The following ZNF469 variants were observed in gnomAD, a reference collection of about 807,000 sequenced individuals.
ZNF469 encodes zinc finger protein 469.
Under a neutral mutation model 1.0 loss-of-function variants are expected in ZNF469, and 1 was observed. That is an observed-to-expected ratio of 1.00 (90% CI 0.35 to 4.73). ZNF469 has a LOEUF of 4.73. Ranked by LOEUF, ZNF469 falls within the 30% of genes most tolerant of loss-of-function variation. ZNF469 has a pLI of 0.16. For synonymous variants in ZNF469, 2,703 were observed against 2,363.4 expected, an observed-to-expected ratio of 1.14 and a Z score of -4.17; for missense variants, 6,100 against 5,356.3, an observed-to-expected ratio of 1.14 and a Z score of -4.33.
the ZNF469 span, among the ~76,000 whole-genome samples, chr16:88,282,471 C>T: frequency 1.3e-5 from 2 of 152,078 alleles, no homozygotes; most frequent in African/African-American, 2.4e-5. Flanking sequence ...TTGCCCTGGG[C>T]CCTGGCCTTT....
chr16:88,414,207 C>G (rs1444516231), intron 1 of ZNF469, among the ~76,000 whole-genome samples: 2 of 152,240 alleles, frequency 1.3e-5, no homozygotes. Context: ...CCCAAAGCCC[C>G]CACCTGGATT....
At chr16:88,215,577 A>G in the ZNF469 span, among the ~76,000 whole-genome samples, 1 of 151,464 alleles carries the variant, frequency 6.6e-6, no homozygotes, top group Non-Finnish European at 1.5e-5. Context: ...TTTAGTAGAG[A>G]CAGTGTTTCA....
chr16:88,387,046 C>T (rs975882302), intron 1 of ZNF469, among the ~76,000 whole-genome samples: 2 of 152,184 alleles, frequency 1.3e-5, no homozygotes, highest in East Asian at 1.9e-4. Flanking sequence ...GTTCACTGCA[C>T]GTCGGCACCC....
the ZNF469 span, among the ~76,000 whole-genome samples, chr16:88,157,782 G>A: frequency 6.6e-6 from 1 of 152,052 alleles, no homozygotes; most frequent in African/African-American, 2.4e-5. Flanking sequence ...CCAGGTGGGG[G>A]CTCCCTGTGT....
chr16:88,118,739 G>T, the ZNF469 span, among the ~76,000 whole-genome samples: 1 of 152,190 alleles, frequency 6.6e-6, no homozygotes, highest in African/African-American at 2.4e-5. Context: ...CACAAATACA[G>T]AATACATACA....
At position 88,429,877 on chromosome 16, in the gene ZNF469, G is replaced by A. The variant is rs113484918; in HGVS notation, c.2407G>A (p.Ala803Thr). The A allele has an allele frequency of 1.9e-6, 3 of 1,550,008 alleles. No individual in the cohort carries two copies. Among genetic ancestry groups the A allele is most frequent in the African/African-American group, 2.7e-5 (2 of 73,032 alleles). Reference protein sequence around the residue: ...HAKTFLLAGDAQAEGKDDPLR... With the variant: ...HAKTFLLAGDTQAEGKDDPLR... ...GAAGACCTTCCTGTTAGCTGGGGAC[G>A]CCCAGGCCGAGGGCAAAGACGACCC... is the stretch of plus-strand genomic sequence containing the variant. Residue 803 changes from alanine (A) to threonine (T), a missense_variant, in exon 3 of 3, where the codon GCC becomes ACC. Transcript: ENST00000565624.
At chr16:88,204,087 A>G in the ZNF469 span, among the ~76,000 whole-genome samples, 1 of 151,022 alleles carries the variant, frequency 6.6e-6, no homozygotes, top group Admixed American at 6.6e-5. Flanking sequence ...GTAACCCCAT[A>G]GAGCAGCCGG....
chr16:88,171,985 A>G, the ZNF469 span, among the ~76,000 whole-genome samples: 1 of 152,222 alleles, frequency 6.6e-6, no homozygotes, highest in African/African-American at 2.4e-5. Flanking sequence ...CAGACATTGG[A>G]CAACAGATAG....
the ZNF469 span, among the ~76,000 whole-genome samples, chr16:88,166,412 G>A: frequency 2.0e-5 from 3 of 152,002 alleles, no homozygotes; most frequent in Admixed American, 1.3e-4. This position sits in a 1 kb window ranked among gnomAD's most constrained non-coding sequence, Gnocchi z 4.5. Flanking sequence ...CGTTGTTTAC[G>A]TTTTAAGTGA....
the ZNF469 span, among the ~76,000 whole-genome samples, chr16:88,186,705 G>T: frequency 6.6e-6 from 1 of 152,222 alleles, no homozygotes; most frequent in Non-Finnish European, 1.5e-5. Flanking sequence ...GAGACGTGCG[G>T]CCCGGGCCTA....
the ZNF469 span, among the ~76,000 whole-genome samples, chr16:88,120,360 T>C: frequency 6.6e-6 from 1 of 152,186 alleles, no homozygotes; most frequent in Non-Finnish European, 1.5e-5. Flanking sequence ...GATAAACTAA[T>C]TCCTCCATCG....
the ZNF469 span, among the ~76,000 whole-genome samples, chr16:88,152,529 C>A: frequency 6.6e-6 from 1 of 152,202 alleles, no homozygotes; most frequent in East Asian, 1.9e-4. The surrounding 1 kb of genome is among the most constrained non-coding windows in gnomAD (Gnocchi z 4.2). Context: ...TCTGTGGAAT[C>A]TGTCCCTGGC....
At chr16:88,120,847 G>A in the ZNF469 span, among the ~76,000 whole-genome samples, 1 of 152,188 alleles carries the variant, frequency 6.6e-6, no homozygotes, top group Non-Finnish European at 1.5e-5. Context: ...ATCCAGGTGT[G>A]AGCCCCGGCT....
chr16:88,349,962 GAGCGATACATACCA>G, the ZNF469 span, among the ~76,000 whole-genome samples: 1 of 8,010 alleles, frequency 1.2e-4, no homozygotes, highest in Admixed American at 1.2e-3. Context: ...TACACACCAT[GAGCGATACATACCA>G]CACAATACAC....
the ZNF469 span, among the ~76,000 whole-genome samples, chr16:88,324,895 G>A: frequency 2.6e-5 from 4 of 152,124 alleles, no homozygotes; most frequent in Non-Finnish European, 5.9e-5. Context: ...AAGAAAAGAG[G>A]GTTGGCTCAC....
rs1906880262 is a variant in ZNF469 at position 88,439,879 on chromosome 16, G to GGCCTCCTCCCTCTGACCACAGGATCAT, written c.*569_*570insATCATGCCTCCTCCCTCTGACCACAGG. The GGCCTCCTCCCTCTGACCACAGGATCAT allele has an allele frequency of 6.8e-6, 1 of 146,284 alleles. No individual in the cohort carries two copies. Among genetic ancestry groups the GGCCTCCTCCCTCTGACCACAGGATCAT allele is most frequent in the South Asian group, 2.0e-4 (1 of 4,986 alleles). 9.1% of individuals were successfully genotyped at this position (146,284 alleles called of 1,614,324 possible). On this transcript the variant is annotated 3_prime_UTR_variant, in exon 3 of 3. Coordinates refer to ENST00000565624, the MANE Select transcript of ZNF469 (RefSeq NM_001367624.2). Reference sequence around the variant, plus strand: ...CGCCTGGTCCCCCAAGAGCACAACAGGCCTCCTCCCTCTGACCACAGGGTC... The same window carrying GGCCTCCTCCCTCTGACCACAGGATCAT: ...CGCCTGGTCCCCCAAGAGCACAACAGGCCTCCTCCCTCTGACCACAGGATCATGCCTCCTCCCTCTGACCACAGGGTC...
the ZNF469 span, among the ~76,000 whole-genome samples, chr16:88,168,635 C>T: frequency 6.6e-6 from 1 of 152,196 alleles, no homozygotes; most frequent in Non-Finnish European, 1.5e-5. This position sits in a 1 kb window ranked among gnomAD's most constrained non-coding sequence, Gnocchi z 4.3. Context: ...CTCTCCAGAA[C>T]AGTTTGTTTA....
the ZNF469 span, chr16:88,178,195 TGA>T: frequency 8.6e-5 from 13 of 151,100 alleles, no homozygotes; most frequent in Admixed American, 6.6e-5. Flanking sequence ...GAATTGGAGA[TGA>T]GAGGGGAGGA....
chr16:88,308,373 G>T, the ZNF469 span, among the ~76,000 whole-genome samples: 15 of 152,338 alleles, frequency 9.8e-5, no homozygotes, highest in African/African-American at 3.4e-4. Context: ...AAAGCCAGAA[G>T]AGATTGTGAT....
Sources: allele counts gnomAD v4.1 joint callset (sites outside exome capture counted in the v4.1 genomes callset), GRCh38; gene constraint gnomAD v4.1.1; non-coding constraint Gnocchi (gnomAD v3.1); transcripts MANE v1.5; gene names NCBI Gene and HGNC (gene_info 2026-07-23, HGNC 2026-07-21).